Variants in TM9SF2 observed in about 807,000 individuals in gnomAD.
TM9SF2 encodes the protein transmembrane 9 superfamily member 2, also known as 76 kDa membrane protein.
TM9SF2 carries 13 observed loss-of-function variants against 84.9 expected under a neutral mutation model. The ratio of observed to expected loss-of-function variants is 0.15; its 90% CI spans 0.10 to 0.24. The LOEUF (loss-of-function observed/expected upper bound fraction) is 0.24. TM9SF2 is among the 10% of genes least tolerant of loss of function. The pLI, the probability that TM9SF2 is intolerant of heterozygous loss-of-function variation, is 1.00. For synonymous variants in TM9SF2, 273 were observed against 285.8 expected (o/e 0.96, Z 0.45); for missense variants, 562 against 818.5 (o/e 0.69, Z 3.82).
rs765405840 is a variant in TM9SF2, at chr13:99,541,584, C to G, written c.934C>G (p.Leu312Val). Residue 312 changes from leucine to valine, a missense_variant, in exon 9 of 17, where the codon CTC becomes GTC. Physicochemically the swap from Leu to Val is conservative, Grantham distance 32 (BLOSUM62 1). Around this residue, in one of 4 missense-constraint regions of TM9SF2, gnomAD observed 219 missense variants for 338.1 expected, o/e 0.65. Coordinates refer to ENST00000376387, the MANE Select transcript of TM9SF2 (RefSeq NM_004800.3). The stretch of plus-strand genomic sequence containing the variant: ...CATTATGAATTCCCTGGTCATTGTT[C>G]TCTTCTTATCTGGAATGGTAGCTAT... ...FSIMNSLVIVLFLSGMVAMIM... is the reference protein window; with the variant it reads ...FSIMNSLVIVVFLSGMVAMIM... 2 of 1,612,640 alleles carry G rather than the reference C, an allele frequency of 1.2e-6. No homozygotes were observed. Among genetic ancestry groups the G allele is most frequent in the East Asian group, 4.5e-5 (2 of 44,700 alleles).
chr13:99,532,266 G>A (rs1234273902), intron 4 of TM9SF2, among the ~76,000 whole-genome samples: 2 of 151,588 alleles, frequency 1.3e-5, no homozygotes, highest in Non-Finnish European at 2.9e-5. Context: ...TAGCCAGGAT[G>A]GTCTCGATCT....
chr13:99,529,690 G>T, intron 4 of TM9SF2, 96 bp downstream of exon 4: 1 of 1,272,930 alleles, frequency 7.9e-7, no homozygotes, highest in Non-Finnish European at 1.0e-6. Context: ...GTAAAATATA[G>T]CAAATTAATT....
intron 3 of TM9SF2, 140 bp from the exon 4 acceptor site, chr13:99,529,327 G>A (rs971230888): frequency 3.1e-6 from 2 of 652,050 alleles, no homozygotes; most frequent in Non-Finnish European, 4.5e-6. Context: ...GAGCTATGAG[G>A]AATTTAAAAA....
intron 12 of TM9SF2, 61 bp from the exon 13 acceptor site, chr13:99,552,106 A>G: frequency 6.8e-7 from 1 of 1,465,210 alleles, no homozygotes; most frequent in Non-Finnish European, 9.4e-7. Context: ...CATATTAATT[A>G]CATACTACTG....
intron 2 of TM9SF2, chr13:99,519,425 T>A (rs1443449576): frequency 1.3e-5 from 2 of 152,576 alleles, no homozygotes; most frequent in Non-Finnish European, 2.9e-5. Flanking sequence ...CCCTTTAATT[T>A]TCTGTGGCAA....
intron 3 of TM9SF2, among the ~76,000 whole-genome samples, chr13:99,520,336 C>T (rs1338186643): frequency 1.3e-5 from 2 of 152,094 alleles, no homozygotes; most frequent in African/African-American, 4.8e-5. Context: ...TGAACATTCA[C>T]GCAACTAATG....
chr13:99,512,481 T>C (rs923592764), intron 1 of TM9SF2, among the ~76,000 whole-genome samples: 2 of 152,070 alleles, frequency 1.3e-5, no homozygotes, highest in African/African-American at 4.8e-5. Flanking sequence ...AGATATTAGA[T>C]GAAATGCCAA....
intron 7 of TM9SF2, 22 bp downstream of exon 7, chr13:99,539,579 G>A (rs766611633): frequency 1.4e-6 from 2 of 1,382,244 alleles, no homozygotes; most frequent in Non-Finnish European, 2.1e-6. Flanking sequence ...GTTATCTTTA[G>A]TATAACTCTG....
intron 1 of TM9SF2, among the ~76,000 whole-genome samples, chr13:99,515,750 T>C (rs1851758362): frequency 6.6e-6 from 1 of 150,458 alleles, no homozygotes; most frequent in East Asian, 1.9e-4. Flanking sequence ...TTTTTTTTTT[T>C]GAAACGGAGT....
At chr13:99,529,207 T>C (rs545818517) in intron 3 of TM9SF2, among the ~76,000 whole-genome samples, 9 of 152,306 alleles carry the variant, frequency 5.9e-5, no homozygotes, top group Admixed American at 4.6e-4. Context: ...CTAGAACTTA[T>C]TTACATTTAA....
intron 9 of TM9SF2, 25 bp downstream of exon 9, chr13:99,541,692 A>G: frequency 2.0e-6 from 3 of 1,489,746 alleles, no homozygotes; most frequent in Non-Finnish European, 2.8e-6. Context: ...TTTAGTCTTT[A>G]GTCTGCCAAG....
At chr13:99,541,764 A>G (rs2046260571) in intron 9 of TM9SF2, 97 bp downstream of exon 9, 1 of 775,894 alleles carries the variant, frequency 1.3e-6, no homozygotes, top group Admixed American at 3.2e-5. Flanking sequence ...TGCTTTTAAA[A>G]CATTCTTCAA....
intron 3 of TM9SF2, among the ~76,000 whole-genome samples, chr13:99,528,656 A>G (rs2046194631): frequency 6.6e-6 from 1 of 152,164 alleles, no homozygotes; most frequent in South Asian, 2.1e-4. Context: ...ATGAATCTTT[A>G]AGGTTCATAT....
At chr13:99,533,428 T>C (rs1220832392) in intron 4 of TM9SF2, among the ~76,000 whole-genome samples, 1 of 152,230 alleles carries the variant, frequency 6.6e-6, no homozygotes, top group Non-Finnish European at 1.5e-5. Flanking sequence ...GTACACGTTA[T>C]TCTGCAACTT....
Position 99,536,751 on chromosome 13 carries a change from A to G in TM9SF2, c.591+14A>G. On this transcript the variant is annotated intron_variant, in intron 5 of 16. Transcript: ENST00000376387. ...TGTGTTATTAGTGTAAGTTCATGAT[A>G]AACTCTTTGCTGCTTTTTAAAACAT... is the stretch of plus-strand genomic sequence containing the variant. 6 of 1,611,254 alleles carry G rather than the reference A, an allele frequency of 3.7e-6. No homozygotes were observed. Among genetic ancestry groups the G allele is most frequent in the Non-Finnish European group, 5.1e-6 (6 of 1,178,494 alleles).
intron 7 of TM9SF2, among the ~76,000 whole-genome samples, chr13:99,540,276 G>T (rs976632368): frequency 6.6e-6 from 1 of 151,720 alleles, no homozygotes; most frequent in African/African-American, 2.4e-5. Flanking sequence ...CAAACCTGGT[G>T]CAGTAAATAG....
intron 4 of TM9SF2, among the ~76,000 whole-genome samples, chr13:99,534,456 A>C (rs918186901): frequency 4.6e-5 from 7 of 152,036 alleles, no homozygotes; most frequent in Non-Finnish European, 1.0e-4. Flanking sequence ...CTCTGTTTTC[A>C]CTCTATTAAA....
chr13:99,550,859 A>C (rs1368337126), intron 12 of TM9SF2, among the ~76,000 whole-genome samples: 1 of 152,206 alleles, frequency 6.6e-6, no homozygotes, highest in East Asian at 1.9e-4. Context: ...ATAATAAAAC[A>C]CTAGGGACAT....
intron 1 of TM9SF2, among the ~76,000 whole-genome samples, chr13:99,506,961 A>T (rs191471687): frequency 6.6e-6 from 1 of 152,222 alleles, no homozygotes; most frequent in Non-Finnish European, 1.5e-5. Flanking sequence ...TTAACTATCT[A>T]TGAAAGGCTT....
Sources: gnomAD v4.1 joint callset for allele counts (sites outside exome capture counted in the v4.1 genomes callset) on GRCh38, gnomAD v4.1.1 for gene constraint, gnomAD v4.1.1 regional missense constraint, MANE v1.5 for transcripts, NCBI Gene and HGNC (gene_info 2026-07-23, HGNC 2026-07-21) for gene names.